The following LRP5 variants were observed in gnomAD, a reference collection of about 807,000 sequenced individuals.
LRP5 encodes the protein LDL receptor related protein 5, also known as low-density lipoprotein receptor-related protein 5.
In LRP5, 62 loss-of-function variants were observed where a neutral mutation model predicts 154.1. The observed-to-expected ratio is 0.40, with a 90% CI of 0.33 to 0.50. The LOEUF (loss-of-function observed/expected upper bound fraction) is 0.50. Ranked by LOEUF, LRP5 falls within the 20% of genes least tolerant of loss-of-function variation. The probability of loss-of-function intolerance (pLI) is 0.55; values close to 1 mark genes in which losing one functional copy is unlikely to be tolerated. For missense variants in LRP5, 1,915 were observed against 2,336.7 expected (o/e 0.82, Z 3.72); for synonymous variants, 966 against 1,011.5 (o/e 0.96, Z 0.85).
At chr11:68,298,687 C>G in the LRP5 span, among the ~76,000 whole-genome samples, 2 of 152,282 alleles carry the variant, frequency 1.3e-5, no homozygotes, top group South Asian at 4.1e-4. Context: ...CTGCTAGAGC[C>G]TAGGGGCTGC....
the LRP5 span, among the ~76,000 whole-genome samples, chr11:68,306,356 G>A: frequency 6.6e-6 from 1 of 151,990 alleles, no homozygotes; most frequent in Non-Finnish European, 1.5e-5. Flanking sequence ...GGCTGCTCTC[G>A]AACTCATGAC....
At chr11:68,418,923 A>ATTGGAG (rs2098664020) in intron 13 of LRP5, among the ~76,000 whole-genome samples, 5 of 152,178 alleles carry the variant, frequency 3.3e-5, no homozygotes, top group Admixed American at 3.3e-4. Context: ...TTAGAGTTTC[A>ATTGGAG]CTGGAGCTGC....
chr11:68,391,673 C>T (rs1174723273), intron 7 of LRP5, among the ~76,000 whole-genome samples: 1 of 152,230 alleles, frequency 6.6e-6, no homozygotes, highest in African/African-American at 2.4e-5. Flanking sequence ...CAGGTGTGGC[C>T]ATTTCCTGCT....
At chr11:68,364,354 A>ATGTGTGTGTGTG (rs1481106605) in intron 4 of LRP5, among the ~76,000 whole-genome samples, 1 of 117,820 alleles carries the variant, frequency 8.5e-6, no homozygotes, top group Non-Finnish European at 1.9e-5. Flanking sequence ...ATATATACAT[A>ATGTGTGTGTGTG]TATATGTGTG....
intron 1 of LRP5, among the ~76,000 whole-genome samples, chr11:68,325,336 G>A (rs898119280): frequency 2.0e-4 from 30 of 152,304 alleles, no homozygotes; most frequent in East Asian, 1.9e-4. Flanking sequence ...CCTGTGATCC[G>A]TGAGGCCCTT....
chr11:68,312,630 C>A lies in LRP5; in HGVS notation c.-85C>A. On this transcript the variant is annotated 5_prime_UTR_variant, in exon 1 of 23. Transcript: ENST00000294304. Reference sequence around the variant, plus strand: ...CGGCGCCCGAGGGGGGAGGCGGAGGCGCCGGGAGCCGCGCGAGGAGCCGCC... The same window carrying A: ...CGGCGCCCGAGGGGGGAGGCGGAGGAGCCGGGAGCCGCGCGAGGAGCCGCC... 1.8e-6 allele frequency: 1 copy of A among 554,344 alleles called. No individual in the cohort carries two copies. Among genetic ancestry groups the A allele is most frequent in the Non-Finnish European group, 2.3e-6 (1 of 436,414 alleles). The allele number at this position is 554,344 out of a possible 1,614,324, so 34.3% of individuals were successfully genotyped here.
rs1357664392 is a variant in LRP5 at position 68,348,048 on chromosome 11, C to A, written c.293C>A (p.Ala98Asp). The A allele has an allele frequency of 6.2e-7, 1 of 1,613,998 alleles. No homozygotes were observed. The highest frequency in any genetic ancestry group is 8.5e-7 in the Non-Finnish European group (1 of 1,180,044). The change falls in exon 2 of 23, where the codon GCC (alanine) becomes GAC (aspartate). Residue 98 changes from alanine to aspartate, a missense_variant. Around this residue, in one of 3 missense-constraint regions of LRP5, gnomAD observed 773 missense variants for 1,100.9 expected, o/e 0.70. Coordinates refer to ENST00000294304, the MANE Select transcript of LRP5 (RefSeq NM_002335.4). ...KQTYLNQTGAAVQNVVISGLV... is the reference protein window; with the variant it reads ...KQTYLNQTGADVQNVVISGLV... The stretch of plus-strand genomic sequence containing the variant: ...ACCTACCTGAACCAGACGGGGGCCG[C>A]CGTGCAGAACGTGGTCATCTCCGGC...
intron 1 of LRP5, among the ~76,000 whole-genome samples, chr11:68,315,976 TA>T (rs751346180): frequency 3.3e-5 from 5 of 152,172 alleles, no homozygotes; most frequent in Non-Finnish European, 7.3e-5. Context: ...TATAAAATAT[TA>T]AAGTATAGAA....
intron 7 of LRP5, among the ~76,000 whole-genome samples, chr11:68,393,145 A>C (rs1429236371): frequency 1.3e-5 from 2 of 151,948 alleles, no homozygotes; most frequent in Non-Finnish European, 2.9e-5. Context: ...AAAAACAAAA[A>C]AAAAAGTTCC....
chr11:68,350,891 C>T (rs1187030180), intron 2 of LRP5, among the ~76,000 whole-genome samples: 2 of 150,772 alleles, frequency 1.3e-5, no homozygotes, highest in South Asian at 2.1e-4. Context: ...AGGATGTGAG[C>T]GTGTGTGTGT....
In LRP5 at chr11:68,312,644, C is replaced by G. The variant is rs1353704707; in HGVS notation, c.-71C>G. On this transcript the variant is annotated 5_prime_UTR_variant, in exon 1 of 23. Coordinates refer to ENST00000294304, the MANE Select transcript of LRP5 (RefSeq NM_002335.4). ...GGAGGCGGAGGCGCCGGGAGCCGCG[C>G]GAGGAGCCGCCGCCGCCGCGCCATG... 8.5e-6 allele frequency: 6 copies of G among 705,886 alleles called. No homozygotes were observed. Among genetic ancestry groups the G allele is most frequent in the African/African-American group, 2.0e-5 (1 of 51,140 alleles). 43.7% of individuals were successfully genotyped at this position (705,886 alleles called of 1,614,324 possible).
chr11:68,433,861 T>TCTGCCAAGACCCTGGCC, intron 18 of LRP5, 23 bp downstream of exon 18: 1 of 1,603,776 alleles, frequency 6.2e-7, no homozygotes. Context: ...CCGTCAAGGC[T>TCTGCCAAGACCCTGGCC]CTGCCAAGAC....
chr11:68,359,115 A>G (rs547180726), intron 3 of LRP5, among the ~76,000 whole-genome samples: 2 of 152,346 alleles, frequency 1.3e-5, no homozygotes, highest in Non-Finnish European at 1.5e-5. Flanking sequence ...AGCCTGAAAC[A>G]GCAAACAGGT....
intron 1 of LRP5, among the ~76,000 whole-genome samples, chr11:68,313,955 G>T (rs1023345815): frequency 6.6e-6 from 1 of 152,168 alleles, no homozygotes; most frequent in African/African-American, 2.4e-5. Flanking sequence ...GAGGAGCTTG[G>T]AGTTTGTTTC....
intron 1 of LRP5, among the ~76,000 whole-genome samples, chr11:68,326,092 G>A (rs547903336): frequency 2.0e-5 from 3 of 152,240 alleles, no homozygotes; most frequent in East Asian, 3.8e-4. Flanking sequence ...AGTCGGTACC[G>A]AGTGTGCGTC....
chr11:68,423,737 G>T lies in LRP5; in HGVS notation c.3236+40G>T. 6.4e-7 allele frequency: 1 copy of T among 1,567,170 alleles called. No homozygotes were observed. Among genetic ancestry groups the T allele is most frequent in the Non-Finnish European group, 8.7e-7 (1 of 1,154,912 alleles). On this transcript the variant is annotated intron_variant, in intron 14 of 22. Coordinates refer to ENST00000294304, the MANE Select transcript of LRP5 (RefSeq NM_002335.4). This position sits in a 1 kb window ranked among gnomAD's most constrained non-coding sequence, Gnocchi z 4.7. ...GGTGGGTGGGGGTGCTGCCCGTCCA[G>T]GCGTGCCCGCCGTGTCTTCTGCCGA... is the stretch of plus-strand genomic sequence containing the variant.
chr11:68,369,551 T>C (rs1051822776), intron 5 of LRP5, among the ~76,000 whole-genome samples: 1 of 151,900 alleles, frequency 6.6e-6, no homozygotes, highest in Non-Finnish European at 1.5e-5. Context: ...AGTGGAAGGA[T>C]CATTTGAGGT....
chr11:68,439,554 G>A (rs1379107765), intron 20 of LRP5, among the ~76,000 whole-genome samples: 1 of 152,176 alleles, frequency 6.6e-6, no homozygotes, highest in Non-Finnish European at 1.5e-5. Context: ...CCCCTTGGAG[G>A]AGGTACCATG....
intron 20 of LRP5, 41 bp from the exon 21 acceptor site, chr11:68,439,736 G>C (rs2450874): frequency 6.3e-7 from 1 of 1,598,158 alleles, no homozygotes; most frequent in African/African-American, 1.3e-5. Context: ...GCTTGGCTGA[G>C]CCTGGAAGCC....
Sources: gnomAD v4.1 joint callset for allele counts (sites outside exome capture counted in the v4.1 genomes callset) on GRCh38, gnomAD v4.1.1 for gene constraint, gnomAD v4.1.1 regional missense constraint, Gnocchi (gnomAD v3.1) non-coding constraint, MANE v1.5 for transcripts, NCBI Gene and HGNC (gene_info 2026-07-23, HGNC 2026-07-21) for gene names.